Variants in HPSE2 observed in about 807,000 individuals in gnomAD.
The protein encoded by HPSE2 is heparanase 2 (inactive).
A neutral mutation model predicts 60.5 loss-of-function variants in HPSE2; 38 were observed. The ratio of observed to expected loss-of-function variants is 0.63; its 90% CI spans 0.48 to 0.82. HPSE2 has a LOEUF of 0.82. HPSE2 is among the 40% of genes least tolerant of loss of function. The pLI, the probability that HPSE2 is intolerant of heterozygous loss-of-function variation, is 0.00. For missense variants in HPSE2, 713 were observed against 740.4 expected (o/e 0.96, Z 0.43); for synonymous variants, 295 against 293.2 (o/e 1.01, Z -0.06).
chr10:98,556,332 C>G (rs1944007328), intron 9 of HPSE2, among the ~76,000 whole-genome samples: 1 of 152,140 alleles, frequency 6.6e-6, no homozygotes, highest in African/African-American at 2.4e-5. Context: ...TCACATACTT[C>G]TGCAAATAGA....
rs966633638 is a variant in HPSE2 at position 98,852,333 on chromosome 10, A to G, written c.611-108277T>C. Among the ~76,000 whole-genome samples, 6 of 152,004 alleles carry G rather than the reference A, an allele frequency of 3.9e-5. No homozygotes were observed. The East Asian group carries it at 7.7e-4, about 20-fold the overall frequency. On this transcript the variant is annotated intron_variant, in intron 3 of 11. Coordinates refer to ENST00000370552, the MANE Select transcript of HPSE2 (RefSeq NM_021828.5). Reference sequence around the variant, plus strand: ...CTGCCCAAGGCAGAAATCTTCCCCAAGCTTTTTGTGTTGGAGCTGGCCATA... The same window carrying G: ...CTGCCCAAGGCAGAAATCTTCCCCAGGCTTTTTGTGTTGGAGCTGGCCATA...
At chr10:99,255,110 A>T in the HPSE2 span, among the ~76,000 whole-genome samples, 1 of 152,120 alleles carries the variant, frequency 6.6e-6, no homozygotes. Flanking sequence ...TATAAGGAAA[A>T]TTTTCTTTCA....
intron 9 of HPSE2, among the ~76,000 whole-genome samples, chr10:98,499,676 CAGTACTA>C: frequency 6.6e-6 from 1 of 152,328 alleles, no homozygotes; most frequent in Non-Finnish European, 1.5e-5. Flanking sequence ...CCTCACATCT[CAGTACTA>C]ACATTGAATG....
chr10:98,498,963 T>C (rs1272364520), intron 9 of HPSE2, among the ~76,000 whole-genome samples: 4 of 152,018 alleles, frequency 2.6e-5, no homozygotes, highest in African/African-American at 9.7e-5. Context: ...GAAAAAATAA[T>C]AAGAAAACAT....
intron 9 of HPSE2, among the ~76,000 whole-genome samples, chr10:98,585,090 T>C (rs1386815519): frequency 6.6e-6 from 1 of 152,160 alleles, no homozygotes; most frequent in Non-Finnish European, 1.5e-5. Flanking sequence ...CCCAAAATCC[T>C]CTGCAGTTTG....
the HPSE2 span, among the ~76,000 whole-genome samples, chr10:99,314,583 T>A: frequency 6.6e-6 from 1 of 152,204 alleles, no homozygotes; most frequent in African/African-American, 2.4e-5. Context: ...CCAAAAACTT[T>A]GACTTACTGC....
chr10:98,593,460 A>T (rs2133947597), intron 9 of HPSE2, among the ~76,000 whole-genome samples: 1 of 151,838 alleles, frequency 6.6e-6, no homozygotes, highest in Non-Finnish European at 1.5e-5. Flanking sequence ...TTTTTTTTTT[A>T]AATACAAAGA....
chr10:99,210,818 T>C lies in HPSE2; in HGVS notation c.448+21530A>G, dbSNP rs139862541. 2.5e-3 allele frequency among the ~76,000 whole-genome samples: 379 copies of C among 152,274 alleles called. 2 individuals carry two copies. Among genetic ancestry groups the C allele is most frequent in the African/African-American group, 8.7e-3 (360 of 41,560 alleles). On this transcript the variant is annotated intron_variant, in intron 2 of 11. Transcript: ENST00000370552. ...GACAAACTCACAGCTAACGTTATAC[T>C]CAACAGTGAAAAGTCGAAAGCTCTT... is the stretch of plus-strand genomic sequence containing the variant.
intron 3 of HPSE2, among the ~76,000 whole-genome samples, chr10:98,852,113 ATGTG>A (rs1555017138): frequency 0.038 from 3,531 of 91,760 alleles, 72 homozygotes; most frequent in South Asian, 0.065. Context: ...GTATATTATG[ATGTG>A]TGTGTGTGTG....
In HPSE2 at chr10:99,166,144, T is replaced by TC. The variant is rs766906395; in HGVS notation, c.449-21746dup. On this transcript the variant is annotated intron_variant, in intron 2 of 11. Coordinates refer to ENST00000370552, the MANE Select transcript of HPSE2 (RefSeq NM_021828.5). ...AAGTTGTTGTGAATCAATAGTTAAT[T>TC]CTTTTATTGCTGAATAATATTCCAT... Among the ~76,000 whole-genome samples, 221 of 37,040 alleles carry TC rather than the reference T, an allele frequency of 6.0e-3. 2 individuals carry two copies. Among genetic ancestry groups the TC allele is most frequent in the Non-Finnish European group, 0.022 (186 of 8,398 alleles). The allele number at this position is 37,040 out of a possible 152,430, so 24.3% of individuals were successfully genotyped here. A position where few individuals can be genotyped will look rare whatever the true frequency, so the allele number is the denominator to read the frequency against.
At chr10:98,790,149 C>T (rs1026200162) in intron 3 of HPSE2, among the ~76,000 whole-genome samples, 26 of 152,134 alleles carry the variant, frequency 1.7e-4, no homozygotes, top group South Asian at 2.1e-4. Context: ...AATGAAGTGA[C>T]TGACAGAATT....
the HPSE2 span, among the ~76,000 whole-genome samples, chr10:99,267,105 C>G: frequency 6.6e-6 from 1 of 152,062 alleles, no homozygotes; most frequent in Non-Finnish European, 1.5e-5. Flanking sequence ...TTAACACCCC[C>G]CAAAAGATCA....
intron 2 of HPSE2, among the ~76,000 whole-genome samples, chr10:99,203,860 A>AGCCCGGCCCGCTCC (rs1554918252): frequency 4.4e-5 from 2 of 45,354 alleles, no homozygotes; most frequent in Non-Finnish European, 1.2e-4. Context: ...CAAACCCAGA[A>AGCCCGGCCCGCTCC]GCCAGGACCG....
At chr10:98,505,332 G>A (rs773612079) in intron 9 of HPSE2, among the ~76,000 whole-genome samples, 1 of 152,128 alleles carries the variant, frequency 6.6e-6, no homozygotes, top group Non-Finnish European at 1.5e-5. Flanking sequence ...AAAATTGTGC[G>A]ACACTCCAGG....
intron 3 of HPSE2, among the ~76,000 whole-genome samples, chr10:98,968,404 A>G (rs1054064384): frequency 6.6e-6 from 1 of 152,152 alleles, no homozygotes; most frequent in South Asian, 2.1e-4. Context: ...TGCTGGTGGG[A>G]GTGTAAACTA....
At chr10:99,134,465 C>G (rs532453253) in intron 3 of HPSE2, among the ~76,000 whole-genome samples, 2 of 152,258 alleles carry the variant, frequency 1.3e-5, no homozygotes, top group East Asian at 3.9e-4. Flanking sequence ...TAAGCACAGC[C>G]AGAGAGAAAG....
intron 11 of HPSE2, among the ~76,000 whole-genome samples, chr10:98,460,952 A>G (rs1328142378): frequency 6.6e-6 from 1 of 152,256 alleles, no homozygotes; most frequent in Non-Finnish European, 1.5e-5. Context: ...GAAACAGGCC[A>G]CCAGCTGGAA....
At chr10:99,236,609 AGC>A (rs1174512282), upstream of HPSE2, among the ~76,000 whole-genome samples, 1 of 152,168 alleles carries the variant, frequency 6.6e-6, no homozygotes, top group African/African-American at 2.4e-5. Context: ...GCCACACCGA[AGC>A]ATCCTCTGAC....
At position 99,126,436 on chromosome 10, in the gene HPSE2, A is replaced by T. The variant is rs1845167395; in HGVS notation, c.610+17802T>A. 1.3e-5 allele frequency among the ~76,000 whole-genome samples: 2 copies of T among 152,174 alleles called. 1 individual carries two copies. The highest frequency in any genetic ancestry group is 4.1e-4 in the South Asian group (2 of 4,820). ...GGCCCCACCCATCGCCTGGGAAACC[A>T]GAATAGTTACCCTGGCCAATGTATG... On this transcript the variant is annotated intron_variant, in intron 3 of 11. Coordinates refer to ENST00000370552, the MANE Select transcript of HPSE2 (RefSeq NM_021828.5). The surrounding 1 kb of genome is among the most constrained non-coding windows in gnomAD (Gnocchi z 4.0).
Sources: allele counts gnomAD v4.1 joint callset (sites outside exome capture counted in the v4.1 genomes callset), GRCh38; gene constraint gnomAD v4.1.1; non-coding constraint Gnocchi (gnomAD v3.1); transcripts MANE v1.5; gene names NCBI Gene and HGNC (gene_info 2026-07-23, HGNC 2026-07-21).